ZNF385D: variants seen among roughly 807,000 people sequenced by gnomAD.
The protein encoded by ZNF385D is zinc finger protein 659.
ZNF385D carries 15 observed loss-of-function variants against 35.8 expected under a neutral mutation model. The observed-to-expected ratio is 0.42, with a 90% confidence interval of 0.28 to 0.64. The LOEUF is 0.64. ZNF385D is among the 30% of genes least tolerant of loss of function. The probability of loss-of-function intolerance (pLI) is 0.23; values close to 1 mark genes in which losing one functional copy is unlikely to be tolerated. For synonymous variants in ZNF385D, 212 were observed against 186.8 expected (o/e 1.13, Z -1.10); for missense variants, 474 against 494.6 (o/e 0.96, Z 0.39).
chr3:21,676,120 G>A (rs183954416), intron 1 of ZNF385D, among the ~76,000 whole-genome samples: 1 of 152,176 alleles, frequency 6.6e-6, no homozygotes, highest in Non-Finnish European at 1.5e-5. Flanking sequence ...AATTTATTAA[G>A]AACAGTGAAT....
intron 3 of ZNF385D, among the ~76,000 whole-genome samples, chr3:21,964,441 A>AAG (rs1702777716): frequency 7.0e-6 from 1 of 143,370 alleles, no homozygotes; most frequent in Non-Finnish European, 1.5e-5. Flanking sequence ...AAGAAAAAAA[A>AAG]AAAAAGAAAA....
chr3:21,429,704 G>A (rs542008644), intron 5 of ZNF385D, among the ~76,000 whole-genome samples: 1 of 152,180 alleles, frequency 6.6e-6, no homozygotes, highest in South Asian at 2.1e-4. Flanking sequence ...GGTATAGTCT[G>A]AAAAAGTTGC....
At chr3:21,924,083 A>G (rs1700607453) in intron 3 of ZNF385D, among the ~76,000 whole-genome samples, 1 of 152,242 alleles carries the variant, frequency 6.6e-6, no homozygotes, top group African/African-American at 2.4e-5. Flanking sequence ...AATCAATGAG[A>G]TAATAAAATA....
chr3:21,885,167 T>C (rs536531933), intron 3 of ZNF385D, among the ~76,000 whole-genome samples: 7 of 152,208 alleles, frequency 4.6e-5, no homozygotes, highest in South Asian at 4.1e-4. Context: ...AGCTGTTACA[T>C]TGAGAATAGC....
intron 4 of ZNF385D, among the ~76,000 whole-genome samples, chr3:21,446,486 ACTTTTT>A (rs1179558132): frequency 1.5e-4 from 12 of 78,628 alleles, no homozygotes; most frequent in African/African-American, 5.7e-4. Flanking sequence ...TAATCAATGA[ACTTTTT>A]TTTTTTTTTT....
At chr3:21,576,337 A>C (rs1486290069) in intron 2 of ZNF385D, among the ~76,000 whole-genome samples, 1 of 152,202 alleles carries the variant, frequency 6.6e-6, no homozygotes, top group Non-Finnish European at 1.5e-5. Context: ...TAATTTAAGA[A>C]ACATTTCATT....
chr3:21,520,200 C>T (rs1209393574), intron 3 of ZNF385D, among the ~76,000 whole-genome samples: 2 of 152,144 alleles, frequency 1.3e-5, no homozygotes, highest in African/African-American at 4.8e-5. Flanking sequence ...TGGGATGCCA[C>T]CTTCTCCATG....
At chr3:21,749,510 A>C (rs933075750) in intron 1 of ZNF385D, among the ~76,000 whole-genome samples, 1 of 152,196 alleles carries the variant, frequency 6.6e-6, no homozygotes, top group African/African-American at 2.4e-5. Flanking sequence ...TTATCTTTAC[A>C]AGCTTTTCCA....
chr3:22,335,875 A>G lies in ZNF385D; in HGVS notation c.106+36575T>C, dbSNP rs185363741. Among the ~76,000 whole-genome samples the G allele has an allele frequency of 4.6e-3, 703 of 152,218 alleles. 3 individuals are homozygous for G. Among genetic ancestry groups the G allele is most frequent in the African/African-American group, 0.016 (669 of 41,548 alleles). On this transcript the variant is annotated intron_variant, in intron 2 of 5. Coordinates refer to the ZNF385D transcript ENST00000494108. The stretch of plus-strand genomic sequence containing the variant: ...GTGATAGCCTTCGTATTGTCTTCCA[A>G]AATAAGAACACTAAGTACATCTGGG...
intron 2 of ZNF385D, among the ~76,000 whole-genome samples, chr3:22,251,418 G>T (rs572354210): frequency 5.9e-5 from 9 of 152,216 alleles, no homozygotes; most frequent in African/African-American, 1.4e-4. Flanking sequence ...ATGGTTGGTT[G>T]TACGTAACCC....
At chr3:22,334,532 C>T (rs1695080133) in intron 2 of ZNF385D, among the ~76,000 whole-genome samples, 1 of 152,074 alleles carries the variant, frequency 6.6e-6, no homozygotes, top group South Asian at 2.1e-4. Context: ...ATACTTCTGA[C>T]TGAAATGTGC....
At chr3:21,819,755 C>CATAA (rs2073317648) in intron 3 of ZNF385D, among the ~76,000 whole-genome samples, 1 of 139,560 alleles carries the variant, frequency 7.2e-6, no homozygotes, top group African/African-American at 2.6e-5. Flanking sequence ...CACACGTACA[C>CATAA]ATAATTATAT....
intron 2 of ZNF385D, among the ~76,000 whole-genome samples, chr3:22,252,674 C>T (rs56885138): frequency 0.013 from 1,953 of 152,108 alleles, 39 homozygotes; most frequent in African/African-American, 0.045. Context: ...GAGAAGCTGG[C>T]TTTGGCTACT....
In ZNF385D at chr3:22,157,036, T is replaced by C. The variant is rs548459829; in HGVS notation, c.325+11781A>G. 2.1e-4 allele frequency among the ~76,000 whole-genome samples: 32 copies of C among 152,242 alleles called. No individual in the cohort carries two copies. In the South Asian group the frequency reaches 6.2e-3, roughly 30 times the overall value. On this transcript the variant is annotated intron_variant, in intron 3 of 5. Coordinates refer to the ZNF385D transcript ENST00000494108. ...ACCACTTCCTCTTTTTCTGAAGCTC[T>C]CTCCTCCTTTGGCTTCTGAATCAAG...
intron 3 of ZNF385D, among the ~76,000 whole-genome samples, chr3:21,974,601 C>A (rs1399277821): frequency 2.0e-5 from 3 of 151,844 alleles, no homozygotes; most frequent in African/African-American, 7.3e-5. Flanking sequence ...AGCTCCTGCA[C>A]AGTAAAGGAT....
chr3:21,417,040 T>G lies in ZNF385D; in HGVS notation c.*4174A>C, dbSNP rs922591213. 1 of 152,050 alleles carries G rather than the reference T, an allele frequency of 6.6e-6. No homozygotes were observed. Among genetic ancestry groups the G allele is most frequent in the Non-Finnish European group, 1.5e-5 (1 of 67,990 alleles). 9.4% of individuals were successfully genotyped at this position (152,050 alleles called of 1,614,324 possible). ...CATAATAAGTGAGTACTAAGTGAAT[T>G]AGCAACTACTCCAATATTGGTGAAA... On this transcript the variant is annotated 3_prime_UTR_variant, in exon 8 of 8. Transcript: ENST00000281523.
chr3:21,497,165 CA>C (rs1317893374), intron 4 of ZNF385D, among the ~76,000 whole-genome samples: 5 of 152,028 alleles, frequency 3.3e-5, no homozygotes, highest in African/African-American at 4.8e-5. Flanking sequence ...AGTCTCTGCC[CA>C]AAAGCTCCTA....
At chr3:22,354,036 T>C (rs1278369367) in intron 2 of ZNF385D, among the ~76,000 whole-genome samples, 1 of 134,404 alleles carries the variant, frequency 7.4e-6, no homozygotes, top group East Asian at 2.4e-4. Flanking sequence ...CATTATCTTC[T>C]TTTTTTTGGT....
chr3:22,342,631 T>C (rs775672275), intron 2 of ZNF385D, among the ~76,000 whole-genome samples: 8 of 152,332 alleles, frequency 5.3e-5, no homozygotes, highest in Admixed American at 1.3e-4. Flanking sequence ...AGACAGTTAC[T>C]GGAGCTTTTT....
Sources: allele counts gnomAD v4.1 joint callset (sites outside exome capture counted in the v4.1 genomes callset), GRCh38; gene constraint gnomAD v4.1.1; transcripts MANE v1.5; gene names NCBI Gene and HGNC (gene_info 2026-07-23, HGNC 2026-07-21).